PDE6A: variants seen among roughly 807,000 people sequenced by gnomAD.
PDE6A encodes phosphodiesterase 6A.
A neutral mutation model predicts 106.3 loss-of-function variants in PDE6A; 84 were observed. That is an observed-to-expected ratio of 0.79 (90% CI 0.66 to 0.95). The LOEUF is 0.95. PDE6A is among the 40% of genes least tolerant of loss of function. PDE6A has a pLI of 0.00. For missense variants in PDE6A, 1,052 were observed against 1,084.9 expected (o/e 0.97, Z 0.43); for synonymous variants, 394 against 386.6 (o/e 1.02, Z -0.23).
At chr5:149,886,764 G>A (rs965806644) in intron 13 of PDE6A, among the ~76,000 whole-genome samples, 6 of 152,174 alleles carry the variant, frequency 3.9e-5, no homozygotes, top group African/African-American at 1.4e-4. Context: ...ACATGGCCAG[G>A]CTGGTAAAGC....
At chr5:149,940,037 T>C (rs1044596076) in intron 1 of PDE6A, 1 of 151,876 alleles carries the variant, frequency 6.6e-6, no homozygotes, top group African/African-American at 2.4e-5. Context: ...TTTTTTAGGC[T>C]AGTCGAGTGA....
chr5:149,912,763 T>G (rs371341042), intron 6 of PDE6A, among the ~76,000 whole-genome samples: 3 of 152,196 alleles, frequency 2.0e-5, no homozygotes, highest in Non-Finnish European at 4.4e-5. Context: ...GGTCTTGTTA[T>G]GAAAGCAGAG....
intron 1 of PDE6A, among the ~76,000 whole-genome samples, chr5:149,935,894 A>T (rs1754166524): frequency 6.6e-6 from 1 of 152,178 alleles, no homozygotes; most frequent in South Asian, 2.1e-4. Flanking sequence ...GTTTACGTCT[A>T]TAATCCCAGC....
At chr5:149,923,560 TAACATAACATAACATAACA>T (rs773146652) in intron 4 of PDE6A, among the ~76,000 whole-genome samples, 6,944 of 66,074 alleles carry the variant, frequency 0.11, 272 homozygotes, top group African/African-American at 0.22. Context: ...TAACATAACA[TAACATAACATAACATAACA>T]AACAACAACA....
chr5:149,940,782 G>A (rs373274860), intron 1 of PDE6A, among the ~76,000 whole-genome samples: 31 of 152,278 alleles, frequency 2.0e-4, no homozygotes, highest in African/African-American at 7.5e-4. Flanking sequence ...ACAGGTGTGA[G>A]CCACTGCGCC....
chr5:149,920,391 G>A (rs1753669405), intron 5 of PDE6A, among the ~76,000 whole-genome samples: 1 of 152,030 alleles, frequency 6.6e-6, no homozygotes, highest in Non-Finnish European at 1.5e-5. Flanking sequence ...GACCAGCCTG[G>A]CCAACATGGC....
intron 13 of PDE6A, among the ~76,000 whole-genome samples, chr5:149,888,330 G>A (rs1178439511): frequency 6.6e-6 from 1 of 151,966 alleles, no homozygotes; most frequent in Non-Finnish European, 1.5e-5. Context: ...GATTGCTGGT[G>A]TGACAGACAG....
In PDE6A at chr5:149,860,700, A is replaced by T. The variant is rs1760105079; in HGVS notation, c.*195T>A. 4.0e-6 allele frequency: 2 copies of T among 497,158 alleles called. No homozygotes were observed. Among genetic ancestry groups the T allele is most frequent in the Admixed American group, 3.4e-5 (1 of 29,156 alleles). 30.8% of individuals were successfully genotyped at this position (497,158 alleles called of 1,614,324 possible). ...GCTATCATTAGTGTTACTGTATTTTATGTGTGACCCAAGACAATTCTTCCA... is the reference window on the plus strand; with the variant it reads ...GCTATCATTAGTGTTACTGTATTTTTTGTGTGACCCAAGACAATTCTTCCA... On this transcript the variant is annotated 3_prime_UTR_variant, in exon 22 of 22. Transcript: ENST00000255266.
In PDE6A at chr5:149,916,947, T is replaced by A. The variant is rs367851183; in HGVS notation, c.934-1940A>T. On this transcript the variant is annotated intron_variant, in intron 5 of 21. Coordinates refer to ENST00000255266, the MANE Select transcript of PDE6A (RefSeq NM_000440.3). ...TGCCTGTCTTGTGAACTCTTTACTATTCCAGGAGAAGATAAAAACAGAAAC... is the reference window on the plus strand; with the variant it reads ...TGCCTGTCTTGTGAACTCTTTACTAATCCAGGAGAAGATAAAAACAGAAAC... Among the ~76,000 whole-genome samples, 4 of 152,266 alleles carry A rather than the reference T, an allele frequency of 2.6e-5. No homozygotes were observed. In the East Asian group the frequency reaches 7.7e-4, roughly 29 times the overall value.
At chr5:149,902,166 T>C (rs981186902) in intron 8 of PDE6A, among the ~76,000 whole-genome samples, 1 of 152,202 alleles carries the variant, frequency 6.6e-6, no homozygotes, top group Non-Finnish European at 1.5e-5. Flanking sequence ...TAGAATCTTC[T>C]CCTGCCAGTC....
intron 6 of PDE6A, among the ~76,000 whole-genome samples, chr5:149,910,256 TA>T (rs767017284): frequency 4.3e-4 from 66 of 152,304 alleles, no homozygotes; most frequent in African/African-American, 1.5e-3. Flanking sequence ...ATTTGCATGG[TA>T]TGTCTTTTTT....
intron 13 of PDE6A, among the ~76,000 whole-genome samples, chr5:149,892,306 A>G (rs1752573781): frequency 6.6e-6 from 1 of 152,002 alleles, no homozygotes; most frequent in South Asian, 2.1e-4. Context: ...ACAGAGTAGG[A>G]GCTCAAATCA....
intron 6 of PDE6A, among the ~76,000 whole-genome samples, chr5:149,912,365 T>A (rs911051863): frequency 1.3e-5 from 2 of 152,218 alleles, no homozygotes; most frequent in African/African-American, 4.8e-5. Context: ...CCTCTGTTAG[T>A]GTGGATGGCA....
In PDE6A at chr5:149,903,819, G is replaced by C; in HGVS notation, c.1066-124C>G. ...CAAGGCATTCACATTCTTTTCATCA[G>C]GTAGACATAGTCGAGACAGTTTTCA... On this transcript the variant is annotated intron_variant, in intron 7 of 21. Transcript: ENST00000255266. The C allele has an allele frequency of 3.7e-6, 3 of 810,796 alleles. No homozygotes were observed. In the South Asian group the frequency reaches 4.0e-5, roughly 11 times the overall value. The allele number at this position is 810,796 out of a possible 1,614,324, so 50.2% of individuals were successfully genotyped here.
chr5:149,884,334 G>GTA (rs111522679), intron 16 of PDE6A, 145 bp downstream of exon 16: 2 of 622,346 alleles, frequency 3.2e-6, no homozygotes, highest in Non-Finnish European at 5.8e-6. Flanking sequence ...GTGTATATAT[G>GTA]TATATATATG....
intron 6 of PDE6A, among the ~76,000 whole-genome samples, chr5:149,909,421 G>T (rs1753303853): frequency 6.6e-6 from 1 of 152,202 alleles, no homozygotes; most frequent in South Asian, 2.1e-4. Flanking sequence ...TGTCAAGATG[G>T]TTTGCTCTAC....
intron 8 of PDE6A, among the ~76,000 whole-genome samples, chr5:149,900,753 G>T (rs962298965): frequency 2.0e-5 from 3 of 152,044 alleles, no homozygotes; most frequent in Non-Finnish European, 4.4e-5. Flanking sequence ...TGCCTGAAGA[G>T]CACAGGTTTG....
At chr5:149,926,949 G>A (rs868722976) in intron 4 of PDE6A, among the ~76,000 whole-genome samples, 1 of 142,466 alleles carries the variant, frequency 7.0e-6, no homozygotes, top group Non-Finnish European at 1.5e-5. Flanking sequence ...TTGCACTCCA[G>A]CCTGGGCAAC....
chr5:149,902,719 G>T (rs1267691831), intron 8 of PDE6A, among the ~76,000 whole-genome samples: 1 of 151,884 alleles, frequency 6.6e-6, no homozygotes, highest in Non-Finnish European at 1.5e-5. Flanking sequence ...CTACTTGGGA[G>T]GCTGAGGCAG....
Sources: allele counts gnomAD v4.1 joint callset (sites outside exome capture counted in the v4.1 genomes callset), GRCh38; gene constraint gnomAD v4.1.1; transcripts MANE v1.5; gene names NCBI Gene and HGNC (gene_info 2026-07-23, HGNC 2026-07-21).